TMEM232: variants seen among roughly 807,000 people sequenced by gnomAD.
TMEM232 encodes transmembrane protein 232.
A neutral mutation model predicts 78.8 loss-of-function variants in TMEM232; 80 were observed. The ratio of observed to expected loss-of-function variants is 1.01; its 90% CI spans 0.85 to 1.22. The LOEUF (loss-of-function observed/expected upper bound fraction) is 1.22, where lower values mean the gene tolerates loss of function less well. Ranked by LOEUF, TMEM232 falls within the 50% of genes most tolerant of loss-of-function variation. The pLI, the probability that TMEM232 is intolerant of heterozygous loss-of-function variation, is 0.00. For synonymous variants in TMEM232, 297 were observed against 254.3 expected (o/e 1.17, Z -1.60); for missense variants, 881 against 742.2 (o/e 1.19, Z -2.17).
At chr5:110,415,558 G>C (rs1038533913), downstream of TMEM232, among the ~76,000 whole-genome samples, 1 of 151,598 alleles carries the variant, frequency 6.6e-6, no homozygotes, top group African/African-American at 2.4e-5. Context: ...CTTAAGACAT[G>C]CCTTCCTATG....
intron 12 of TMEM232, among the ~76,000 whole-genome samples, chr5:110,473,918 A>AAAC (rs1762954682): frequency 3.1e-5 from 4 of 130,804 alleles, no homozygotes; most frequent in Non-Finnish European, 3.2e-5. Context: ...AAAAAAAAAA[A>AAAC]CCCGCAAAAT....
intron 1 of TMEM232, chr5:110,667,578 T>TC: frequency 3.4e-6 from 1 of 294,112 alleles, no homozygotes; most frequent in Non-Finnish European, 6.1e-6. Flanking sequence ...ATATATCCAG[T>TC]CTTTATTATG....
chr5:110,508,712 T>C (rs1396361858), intron 12 of TMEM232, among the ~76,000 whole-genome samples: 4 of 150,554 alleles, frequency 2.7e-5, no homozygotes, highest in African/African-American at 9.7e-5. Flanking sequence ...CTGTTTCCCT[T>C]TCACGAATGA....
intron 2 of TMEM232, among the ~76,000 whole-genome samples, chr5:110,414,019 G>A (rs565773559): frequency 9.3e-4 from 141 of 152,216 alleles, no homozygotes; most frequent in Non-Finnish European, 1.7e-3. Context: ...CTCAAAGGAG[G>A]GAGAAGCAGA....
intron 10 of TMEM232, among the ~76,000 whole-genome samples, chr5:110,600,807 T>A (rs1306267370): frequency 6.6e-6 from 1 of 152,156 alleles, no homozygotes; most frequent in Non-Finnish European, 1.5e-5. Context: ...CCTAACATAT[T>A]TTATGAGGCC....
intron 12 of TMEM232, among the ~76,000 whole-genome samples, chr5:110,479,183 A>G (rs1188782516): frequency 6.6e-6 from 1 of 151,726 alleles, no homozygotes; most frequent in African/African-American, 2.4e-5. Context: ...GTATTAATTG[A>G]TTTGTTTTCT....
At chr5:110,571,341 T>C (rs1776915412) in intron 10 of TMEM232, among the ~76,000 whole-genome samples, 3 of 152,006 alleles carry the variant, frequency 2.0e-5, no homozygotes, top group African/African-American at 7.2e-5. Context: ...CTAAGTCCCT[T>C]TGCCTGGGGC....
At chr5:110,689,377 G>T (rs565142446) in intron 1 of TMEM232, among the ~76,000 whole-genome samples, 1 of 151,884 alleles carries the variant, frequency 6.6e-6, no homozygotes, top group East Asian at 2.0e-4. Context: ...TAACTTTATA[G>T]TACTAAATTT....
At chr5:110,657,300 C>A (rs1375546809) in intron 2 of TMEM232, among the ~76,000 whole-genome samples, 3 of 151,992 alleles carry the variant, frequency 2.0e-5, no homozygotes, top group Admixed American at 2.0e-4. Context: ...TCTGCACATC[C>A]ATGTTTATTG....
chr5:110,400,528 A>G (rs571721819), intron 2 of TMEM232, among the ~76,000 whole-genome samples: 34 of 152,160 alleles, frequency 2.2e-4, no homozygotes, highest in Admixed American at 7.2e-4. Flanking sequence ...AAAAAAATAT[A>G]AGACATACAT....
At chr5:110,419,125 G>C (rs920993625), downstream of TMEM232, among the ~76,000 whole-genome samples, 3 of 151,878 alleles carry the variant, frequency 2.0e-5, no homozygotes, top group African/African-American at 4.8e-5. Context: ...GATTTTGGAA[G>C]AGAGAAGATT....
At chr5:110,620,577 A>ATCTCTATCTCTCTCTC (rs1783510030) in intron 7 of TMEM232, among the ~76,000 whole-genome samples, 1 of 43,090 alleles carries the variant, frequency 2.3e-5, no homozygotes, top group African/African-American at 7.4e-5. Flanking sequence ...TGTCTCTCAT[A>ATCTCTATCTCTCTCTC]TCTCTCTCTC....
At chr5:110,710,551 G>A (rs1448677090) in intron 1 of TMEM232, among the ~76,000 whole-genome samples, 3 of 152,004 alleles carry the variant, frequency 2.0e-5, no homozygotes, top group Non-Finnish European at 4.4e-5. Flanking sequence ...TCATCATGAC[G>A]AAGAGAAATT....
At chr5:110,704,386 G>A (rs1353291776) in intron 1 of TMEM232, among the ~76,000 whole-genome samples, 2 of 152,092 alleles carry the variant, frequency 1.3e-5, no homozygotes, top group African/African-American at 2.4e-5. Flanking sequence ...GAGATCTCCA[G>A]TTAAAGACCT....
At chr5:110,609,793 A>G (rs995729305) in intron 8 of TMEM232, among the ~76,000 whole-genome samples, 2 of 152,114 alleles carry the variant, frequency 1.3e-5, no homozygotes, top group African/African-American at 4.8e-5. Flanking sequence ...GTTTTTATAT[A>G]TTTCTCCTGG....
intron 7 of TMEM232, among the ~76,000 whole-genome samples, chr5:110,623,622 A>G (rs1308933254): frequency 1.3e-5 from 2 of 152,130 alleles, no homozygotes; most frequent in African/African-American, 2.4e-5. Context: ...GTACTGGAGA[A>G]ACTGGGCTGA....
intron 1 of TMEM232, among the ~76,000 whole-genome samples, chr5:110,687,146 G>A (rs2150207078): frequency 6.6e-6 from 1 of 152,212 alleles, no homozygotes; most frequent in East Asian, 1.9e-4. Context: ...TAACTCAGGG[G>A]AGTTTGAATA....
intron 12 of TMEM232, among the ~76,000 whole-genome samples, chr5:110,434,219 C>T (rs1758167896): frequency 6.7e-6 from 1 of 149,614 alleles, no homozygotes. Context: ...TGATAGACTG[C>T]TAACTAGATT....
At chr5:110,556,981 T>C (rs2149639032) in intron 11 of TMEM232, among the ~76,000 whole-genome samples, 1 of 152,306 alleles carries the variant, frequency 6.6e-6, no homozygotes, top group Non-Finnish European at 1.5e-5. Flanking sequence ...AAGTTGTTTG[T>C]TTGTCTCCCT....
Sources: allele counts gnomAD v4.1 joint callset (sites outside exome capture counted in the v4.1 genomes callset), GRCh38; gene constraint gnomAD v4.1.1; transcripts MANE v1.5; gene names NCBI Gene and HGNC (gene_info 2026-07-23, HGNC 2026-07-21).